SEMA3C: variants seen among roughly 807,000 people sequenced by gnomAD.
SEMA3C encodes semaphorin 3C.
A neutral mutation model predicts 89.4 loss-of-function variants in SEMA3C; 47 were observed. That is an observed-to-expected ratio of 0.53 (90% confidence interval 0.42 to 0.67). SEMA3C has a LOEUF of 0.67. Ranked by LOEUF, SEMA3C falls within the 30% of genes least tolerant of loss-of-function variation. The pLI is 0.00. For synonymous variants in SEMA3C, 310 were observed against 320.2 expected, an observed-to-expected ratio of 0.97 and a Z score of 0.34; for missense variants, 839 against 929.1, an observed-to-expected ratio of 0.90 and a Z score of 1.26.
chr7:80,850,170 GAAC>G (rs1790478927), intron 2 of SEMA3C, among the ~76,000 whole-genome samples: 2 of 152,154 alleles, frequency 1.3e-5, no homozygotes, highest in African/African-American at 4.8e-5. Flanking sequence ...CAAAGACACA[GAAC>G]AACTAGAATT....
At chr7:80,869,317 A>T (rs1396290991) in intron 2 of SEMA3C, among the ~76,000 whole-genome samples, 2 of 152,190 alleles carry the variant, frequency 1.3e-5, no homozygotes, top group East Asian at 1.9e-4. Context: ...TCAGCATCTC[A>T]TTACAAGACA....
At chr7:80,857,622 T>C (rs1460693260) in intron 2 of SEMA3C, among the ~76,000 whole-genome samples, 2 of 152,188 alleles carry the variant, frequency 1.3e-5, no homozygotes, top group African/African-American at 4.8e-5. Flanking sequence ...AAAAAATTAA[T>C]AGAATATCTT....
chr7:80,754,978 T>TTTTTTTTTTTTTTTTTTTTTTTTTTTA (rs1788033633), intron 15 of SEMA3C, among the ~76,000 whole-genome samples: 1 of 114,398 alleles, frequency 8.7e-6, no homozygotes, highest in African/African-American at 3.0e-5. Context: ...TTTTGTATTT[T>TTTTTTTTTTTTTTTTTTTTTTTTTTTA]TAGTAGAGAT....
intron 2 of SEMA3C, among the ~76,000 whole-genome samples, chr7:80,903,692 A>G (rs1236903949): frequency 6.6e-6 from 1 of 152,140 alleles, no homozygotes; most frequent in African/African-American, 2.4e-5. Context: ...TTATGAGACT[A>G]CCATAATACA....
chr7:80,768,569 T>C (rs1788358306), intron 12 of SEMA3C, among the ~76,000 whole-genome samples: 1 of 151,076 alleles, frequency 6.6e-6, no homozygotes, highest in African/African-American at 2.4e-5. Flanking sequence ...TCTTGGGAGA[T>C]AAATAATACA....
At chr7:80,850,311 G>T (rs536243096) in intron 2 of SEMA3C, among the ~76,000 whole-genome samples, 1 of 152,228 alleles carries the variant, frequency 6.6e-6, no homozygotes, top group Admixed American at 6.5e-5. Flanking sequence ...TATACCAAAA[G>T]ATGTGTGTAA....
intron 2 of SEMA3C, among the ~76,000 whole-genome samples, chr7:80,900,610 T>G (rs370371375): frequency 1.3e-5 from 2 of 152,206 alleles, no homozygotes; most frequent in East Asian, 3.9e-4. Flanking sequence ...TTCACACTCA[T>G]GCAGTCAGCT....
Position 80,807,881 on chromosome 7 carries a change from G to C in SEMA3C, c.539-2123C>G, listed in dbSNP as rs1382817023. Among the ~76,000 whole-genome samples the C allele has an allele frequency of 3.3e-5, 5 of 152,134 alleles. No individual in the cohort carries two copies. In the East Asian group the frequency reaches 9.6e-4, roughly 29 times the overall value. On this transcript the variant is annotated intron_variant, in intron 6 of 17. Coordinates refer to ENST00000265361, the MANE Select transcript of SEMA3C (RefSeq NM_006379.5). ...GGAGATGACCACAGAAATCACAGGA[G>C]ATAATTTGAGAGGGATAATCAATTG...
Position 80,918,989 on chromosome 7 carries a change from A to G in SEMA3C, c.-200T>C. 1.0e-6 allele frequency: 1 copy of G among 985,390 alleles called. No individual in the cohort carries two copies. The highest frequency in any genetic ancestry group is 1.2e-6 in the Non-Finnish European group (1 of 829,918). The allele number at this position is 985,390 out of a possible 1,614,324, so 61.0% of individuals were successfully genotyped here. A position where few individuals can be genotyped will look rare whatever the true frequency, so the allele number is the denominator to read the frequency against. ...CTGAGTTTCTTTGTAAAGGAATCTC[A>G]GCGCTGCAGTGCCGCGGCACCCGGA... is the stretch of plus-strand genomic sequence containing the variant. On this transcript the variant is annotated 5_prime_UTR_variant, in exon 1 of 18. Transcript: ENST00000265361.
At chr7:80,811,150 A>T (rs575715924) in intron 5 of SEMA3C, among the ~76,000 whole-genome samples, 1 of 152,300 alleles carries the variant, frequency 6.6e-6, no homozygotes, top group South Asian at 2.1e-4. Context: ...CATATAAAGC[A>T]TTGTACAAGA....
intron 5 of SEMA3C, among the ~76,000 whole-genome samples, chr7:80,813,822 C>A (rs1789531201): frequency 1.3e-5 from 2 of 152,148 alleles, no homozygotes; most frequent in African/African-American, 4.8e-5. Flanking sequence ...CCACCATTTT[C>A]TGACTTGTCA....
chr7:80,886,928 C>G (rs1483532921), intron 2 of SEMA3C, among the ~76,000 whole-genome samples: 1 of 152,018 alleles, frequency 6.6e-6, no homozygotes, highest in Non-Finnish European at 1.5e-5. Flanking sequence ...TGCTAGGTAA[C>G]AAATATTGAT....
At chr7:80,837,902 T>C (rs1562898927) in intron 2 of SEMA3C, among the ~76,000 whole-genome samples, 2 of 152,182 alleles carry the variant, frequency 1.3e-5, no homozygotes, top group African/African-American at 2.4e-5. Context: ...GACTACACTA[T>C]GACTTGCTGA....
In SEMA3C at chr7:80,744,864, A is replaced by G; in HGVS notation, c.*30T>C. Reference sequence around the variant, plus strand: ...ATCATTGAAGACAGAGCATTTGTTAATGGAAGCATAAGACCCACATAAGAA... The same window carrying G: ...ATCATTGAAGACAGAGCATTTGTTAGTGGAAGCATAAGACCCACATAAGAA... On this transcript the variant is annotated 3_prime_UTR_variant, in exon 18 of 18. Coordinates refer to ENST00000265361, the MANE Select transcript of SEMA3C (RefSeq NM_006379.5). 6.2e-7 allele frequency: 1 copy of G among 1,611,622 alleles called. No homozygotes were observed. The highest frequency in any genetic ancestry group is 8.5e-7 in the Non-Finnish European group (1 of 1,178,242).
At chr7:80,912,816 C>T (rs1332620625) in intron 2 of SEMA3C, among the ~76,000 whole-genome samples, 1 of 152,118 alleles carries the variant, frequency 6.6e-6, no homozygotes, top group East Asian at 1.9e-4. Context: ...ATTTCTTGGG[C>T]AACCACAACA....
At chr7:80,893,691 AT>A (rs1791669099) in intron 2 of SEMA3C, among the ~76,000 whole-genome samples, 1 of 152,074 alleles carries the variant, frequency 6.6e-6, no homozygotes, top group Non-Finnish European at 1.5e-5. Context: ...GAGGGGTCAT[AT>A]TGATACGTGC....
chr7:80,754,964 T>TTTTGTTTTTTTTTTTTTTTTTTTTTG, intron 15 of SEMA3C, among the ~76,000 whole-genome samples: 1 of 129,194 alleles, frequency 7.7e-6, no homozygotes, highest in African/African-American at 2.8e-5. Flanking sequence ...TTTGTTTTTT[T>TTTTGTTTTTTTTTTTTTTTTTTTTTG]TTTTTTTGTA....
At chr7:80,911,890 C>A (rs1036241675) in intron 2 of SEMA3C, among the ~76,000 whole-genome samples, 2 of 152,138 alleles carry the variant, frequency 1.3e-5, no homozygotes, top group Non-Finnish European at 2.9e-5. Context: ...GCCTTGGCCT[C>A]CCAAAGTGCT....
intron 2 of SEMA3C, among the ~76,000 whole-genome samples, chr7:80,879,817 A>G (rs746043494): frequency 1.1e-4 from 17 of 152,178 alleles, no homozygotes; most frequent in Non-Finnish European, 2.2e-4. Context: ...GTTAGGTGGT[A>G]TTTAAAATTA....
Sources: gnomAD v4.1 joint callset for allele counts (sites outside exome capture counted in the v4.1 genomes callset) on GRCh38, gnomAD v4.1.1 for gene constraint, MANE v1.5 for transcripts, NCBI Gene and HGNC (gene_info 2026-07-23, HGNC 2026-07-21) for gene names.